Variants in ZDHHC11 observed in about 807,000 individuals in gnomAD.
ZDHHC11 encodes the protein palmitoyltransferase ZDHHC11.
Under a neutral mutation model 51.3 loss-of-function variants are expected in ZDHHC11, and 44 were observed. The observed-to-expected ratio is 0.86, with a 90% CI of 0.67 to 1.10. ZDHHC11 has a LOEUF of 1.10. ZDHHC11 is among the 50% of genes least tolerant of loss of function. The pLI is 0.00. For missense variants in ZDHHC11, 400 were observed against 537.7 expected (o/e 0.74, Z 2.53); for synonymous variants, 163 against 222.0 (o/e 0.73, Z 2.36).
At chr5:809,032 CACCT>C (rs1483227190) in intron 11 of ZDHHC11, among the ~76,000 whole-genome samples, 1 of 144,234 alleles carries the variant, frequency 6.9e-6, no homozygotes, top group African/African-American at 2.7e-5. Context: ...ATTTATTCCC[CACCT>C]GTCTCCTATA....
At chr5:816,613 C>T (rs2150322900) in intron 10 of ZDHHC11, 1 of 628,358 alleles carries the variant, frequency 1.6e-6, no homozygotes. Flanking sequence ...GTACAATCTC[C>T]TGTTGCTTTG....
chr5:819,588 C>T lies in ZDHHC11; in HGVS notation c.1083G>A (p.Leu361=), dbSNP rs763919472. The T allele has an allele frequency of 1.2e-6, 2 of 1,609,666 alleles. No homozygotes were observed. The highest frequency in any genetic ancestry group is 1.3e-5 in the African/African-American group (1 of 74,738). ...AGAACTGACACAGGCGCCTGCAAAT[C>T]AGCCGGGAGTTCCTGGCCTTGGCTC... ...ALGAKARNSR[L]ICRRLCQFST... Residue 361 remains leucine, a synonymous_variant, in exon 10 of 13, where the codon CTG becomes CTA. Transcript: ENST00000283441.
At chr5:822,731 T>C (rs1741728671) in intron 8 of ZDHHC11, among the ~76,000 whole-genome samples, 1 of 151,638 alleles carries the variant, frequency 6.6e-6, no homozygotes, top group Admixed American at 6.6e-5. Context: ...GGTCTCAAAC[T>C]CCTGGCCTCA....
chr5:827,531 A>G (rs113640638), intron 7 of ZDHHC11, among the ~76,000 whole-genome samples: 19,330 of 149,328 alleles, frequency 0.13, 595 homozygotes, highest in East Asian at 0.21. Context: ...GTAAAGTGGC[A>G]GAAAAGATAT....
intron 8 of ZDHHC11, chr5:823,293 G>A (rs1324173982): frequency 6.6e-6 from 1 of 150,718 alleles, no homozygotes; most frequent in East Asian, 1.9e-4. Flanking sequence ...CTGCTTTCTA[G>A]GTGGGACTGA....
chr5:798,068 C>T (rs1847006), intron 12 of ZDHHC11, among the ~76,000 whole-genome samples: 118,320 of 137,270 alleles, frequency 0.86, 49,970 homozygotes, highest in East Asian at 0.97. Flanking sequence ...GACTGATCCC[C>T]CCTGATTCCT....
chr5:825,676 C>A (rs1579651809), intron 7 of ZDHHC11, among the ~76,000 whole-genome samples: 1 of 144,148 alleles, frequency 6.9e-6, no homozygotes, highest in Non-Finnish European at 1.5e-5. Flanking sequence ...CCAGAAAAAA[C>A]AAAAAGTCAC....
intron 10 of ZDHHC11, among the ~76,000 whole-genome samples, chr5:817,961 G>A (rs1344506274): frequency 1.3e-5 from 2 of 151,304 alleles, no homozygotes; most frequent in African/African-American, 2.4e-5. Context: ...GCTGTGCCAC[G>A]GACGCGGGTG....
At position 824,784 on chromosome 5, in the gene ZDHHC11, A is replaced by ACC. The variant is rs1742085443; in HGVS notation, c.1023+379_1023+380insGG. Among the ~76,000 whole-genome samples, 14 of 151,266 alleles carry ACC rather than the reference A, an allele frequency of 9.3e-5. No homozygotes were observed. In the South Asian group the frequency reaches 2.9e-3, roughly 32 times the overall value. On this transcript the variant is annotated intron_variant, in intron 8 of 12. Coordinates refer to ENST00000283441, the MANE Select transcript of ZDHHC11 (RefSeq NM_024786.3). ...GCATTTTATTTAAAAAAAAAAAAAA[A>ACC]ACAGCACATGGCTTCTGCCATGGCT...
chr5:859,935 G>A (rs1248943407), upstream of ZDHHC11, among the ~76,000 whole-genome samples: 1 of 152,176 alleles, frequency 6.6e-6, no homozygotes, highest in Non-Finnish European at 1.5e-5. Context: ...ACGGGAAGCT[G>A]GACAGGGATG....
In ZDHHC11 at chr5:796,366, G is replaced by T. The variant is rs1234389191; in HGVS notation, c.*222C>A. 1.3e-5 allele frequency: 2 copies of T among 152,574 alleles called. No homozygotes were observed. The highest frequency in any genetic ancestry group is 3.0e-5 in the Non-Finnish European group (2 of 67,612). 9.5% of individuals were successfully genotyped at this position (152,574 alleles called of 1,614,324 possible). On this transcript the variant is annotated 3_prime_UTR_variant, in exon 13 of 13. Coordinates refer to ENST00000283441, the MANE Select transcript of ZDHHC11 (RefSeq NM_024786.3). ...TCCTGCAAGGCTGGCTCTTCTTTGGGTGTGATGAAGATGATGACAGAGATG... is the reference window on the plus strand; with the variant it reads ...TCCTGCAAGGCTGGCTCTTCTTTGGTTGTGATGAAGATGATGACAGAGATG...
At chr5:818,152 G>A (rs1741066308) in intron 10 of ZDHHC11, among the ~76,000 whole-genome samples, 1 of 150,990 alleles carries the variant, frequency 6.6e-6, no homozygotes, top group African/African-American at 2.4e-5. Flanking sequence ...ACACAAGGGT[G>A]ACTGTAAATC....
chr5:831,444 G>A (rs1001507423), intron 7 of ZDHHC11, among the ~76,000 whole-genome samples: 2 of 149,106 alleles, frequency 1.3e-5, no homozygotes, highest in East Asian at 4.0e-4. Context: ...TTAGCTGGGC[G>A]TGCTGGTGGG....
chr5:845,489 C>G (rs1745995438), intron 3 of ZDHHC11, among the ~76,000 whole-genome samples: 1 of 152,254 alleles, frequency 6.6e-6, no homozygotes, highest in Admixed American at 6.5e-5. Flanking sequence ...CCTGCCCCTG[C>G]TGCCTGTGTT....
Position 818,033 on chromosome 5 carries a change from C to T in ZDHHC11, c.1146+1492G>A, listed in dbSNP as rs6870982. 7.3e-5 allele frequency among the ~76,000 whole-genome samples: 11 copies of T among 150,828 alleles called. 1 individual carries two copies. The highest frequency in any genetic ancestry group is 2.1e-4 in the South Asian group (1 of 4,762). On this transcript the variant is annotated intron_variant, in intron 10 of 12. Coordinates refer to ENST00000283441, the MANE Select transcript of ZDHHC11 (RefSeq NM_024786.3). ...CTCCCCGATGTGAACAATGAACCGA[C>T]GGTGTTATTTTCATAGGATTGTCCT...
At chr5:810,604 C>T (rs1201979895) in intron 11 of ZDHHC11, among the ~76,000 whole-genome samples, 5 of 151,176 alleles carry the variant, frequency 3.3e-5, no homozygotes, top group African/African-American at 7.3e-5. Flanking sequence ...TTGTAATGTG[C>T]GCAGCAGGCA....
At chr5:852,356 T>A (rs957516155), upstream of ZDHHC11, among the ~76,000 whole-genome samples, 12 of 152,084 alleles carry the variant, frequency 7.9e-5, no homozygotes, top group Admixed American at 1.3e-4. Flanking sequence ...GGAGAGTCTG[T>A]GAGAGAAAAA....
At chr5:820,381 G>C (rs1441776071) in intron 9 of ZDHHC11, among the ~76,000 whole-genome samples, 2 of 151,570 alleles carry the variant, frequency 1.3e-5, no homozygotes, top group Admixed American at 6.6e-5. Context: ...GCTGAACTAA[G>C]CAAAAGTCTG....
chr5:816,333 C>A, intron 10 of ZDHHC11: 1 of 342,764 alleles, frequency 2.9e-6, no homozygotes, highest in Non-Finnish European at 5.7e-6. Context: ...GAGGGAGACT[C>A]AGAGGCGGAC....
Sources: allele counts gnomAD v4.1 joint callset (sites outside exome capture counted in the v4.1 genomes callset), GRCh38; gene constraint gnomAD v4.1.1; transcripts MANE v1.5; gene names NCBI Gene and HGNC (gene_info 2026-07-23, HGNC 2026-07-21).